The following HSPA6 variants were observed in gnomAD, a reference collection of about 807,000 sequenced individuals.
HSPA6 encodes heat shock protein family A (Hsp70) member 6, also known as heat shock 70 kDa protein 6.
For synonymous variants in HSPA6, 312 were observed against 368.2 expected (o/e 0.85, Z 1.75); for missense variants, 718 against 860.9 (o/e 0.83, Z 2.08).
Position 161,526,574 on chromosome 1 carries a change from T to C in HSPA6, c.1916T>C (p.Ile639Thr), listed in dbSNP as rs199535758. The C allele has an allele frequency of 3.6e-5, 55 of 1,538,112 alleles. No individual in the cohort carries two copies. The highest frequency in any genetic ancestry group is 4.5e-5 in the Non-Finnish European group (51 of 1,143,662). Residue 639 changes from isoleucine (I) to threonine (T), a missense_variant, in exon 1 of 1, where the codon ATT becomes ACT. Ile to Thr is a moderately conservative substitution (Grantham distance 89, BLOSUM62 -1). Coordinates refer to ENST00000309758, the MANE Select transcript of HSPA6 (RefSeq NM_002155.5). The part of the protein sequence containing the change: ...RQGDPSTGPI[I>T]EEVD Reference sequence around the variant, plus strand: ...GGGGACCCCAGCACCGGCCCCATCATTGAGGAGGTTGATTGAATGGCCCTT... The same window carrying C: ...GGGGACCCCAGCACCGGCCCCATCACTGAGGAGGTTGATTGAATGGCCCTT...
rs371251812 is a variant in HSPA6, at chr1:161,525,371, G to A, written c.713G>A (p.Arg238Gln). Residue 238 changes from arginine (R) to glutamine (Q), a missense_variant, in exon 1 of 1, where the codon CGG becomes CAG. Transcript: ENST00000309758. ...THLGGEDFDNRLVNHFMEEFR... is the reference protein window; with the variant it reads ...THLGGEDFDNQLVNHFMEEFR... ...CTGGGAGGAGAGGACTTCGACAACC[G>A]GCTCGTGAACCACTTCATGGAAGAA... The A allele has an allele frequency of 6.2e-7, 1 of 1,612,606 alleles. No individual in the cohort carries two copies. Among genetic ancestry groups the A allele is most frequent in the Non-Finnish European group, 8.5e-7 (1 of 1,179,298 alleles).
At position 161,525,819 on chromosome 1, in the gene HSPA6, T is replaced by A; in HGVS notation, c.1161T>A (p.Cys387Ter). ...VQAAVLMGDK[C>*]EKVQDLLLLD... ...CGGCCGTGTTGATGGGGGACAAATGTGAGAAAGTGCAGGATCTCCTGCTGC... is the reference window on the plus strand; with the variant it reads ...CGGCCGTGTTGATGGGGGACAAATGAGAGAAAGTGCAGGATCTCCTGCTGC... Residue 387 changes from cysteine to a stop codon, truncating the protein, a stop_gained, in exon 1 of 1, where the codon TGT becomes TGA. Transcript: ENST00000309758. LOFTEE classifies it low-confidence loss of function (END_TRUNC). 1 of 1,595,712 alleles carries A rather than the reference T, an allele frequency of 6.3e-7. No individual in the cohort carries two copies.
Position 161,525,373 on chromosome 1 carries a change from C to T in HSPA6, c.715C>T (p.Leu239Phe). 1.2e-6 allele frequency: 2 copies of T among 1,612,512 alleles called. No individual in the cohort carries two copies. The highest frequency in any genetic ancestry group is 1.7e-6 in the Non-Finnish European group (2 of 1,179,254). ...GGGAGGAGAGGACTTCGACAACCGG[C>T]TCGTGAACCACTTCATGGAAGAATT... Reference protein sequence around the residue: ...HLGGEDFDNRLVNHFMEEFRR... With the variant: ...HLGGEDFDNRFVNHFMEEFRR... Residue 239 changes from leucine (L) to phenylalanine (F), a missense_variant, in exon 1 of 1, where the codon CTC becomes TTC. Leu to Phe is a conservative substitution (Grantham distance 22). Transcript: ENST00000309758.
chr1:161,526,773 TAA>T lies in HSPA6; in HGVS notation c.*187_*188del, dbSNP rs1352251782. On this transcript the variant is annotated 3_prime_UTR_variant, in exon 1 of 1. Transcript: ENST00000309758. ...GCGGTTCATCCTCTTCTGCTTCAAA[TAA>T]AAAGTCATTAATTTATTAAAACTTG... 6.0e-6 allele frequency: 3 copies of T among 498,172 alleles called. No homozygotes were observed. Among genetic ancestry groups the T allele is most frequent in the African/African-American group, 1.9e-5 (1 of 51,290 alleles). 30.9% of individuals were successfully genotyped at this position (498,172 alleles called of 1,614,324 possible). A position where few individuals can be genotyped will look rare whatever the true frequency, so the allele number is the denominator to read the frequency against.
Position 161,526,425 on chromosome 1 carries a change from A to G in HSPA6, c.1767A>G (p.Ala589=), listed in dbSNP as rs1233135254. The G allele has an allele frequency of 2.5e-6, 4 of 1,588,522 alleles. No homozygotes were observed. The highest frequency in any genetic ancestry group is 1.7e-4 in the Middle Eastern group (1 of 6,028). ...CCTGGCTGGAGCACAACCAGCTGGC[A>G]GAGAAGGAGGAGTATGAGCATCAGA... ...VLAWLEHNQL[A]EKEEYEHQKR... The change falls in exon 1 of 1, where the codon GCA becomes GCG. Residue 589 remains alanine, a synonymous_variant. Transcript: ENST00000309758.
At position 161,526,869 on chromosome 1, in the gene HSPA6, A is replaced by C. The variant is rs1247013697; in HGVS notation, c.*279A>C. 5 of 347,590 alleles carry C rather than the reference A, an allele frequency of 1.4e-5. No individual in the cohort carries two copies. Among genetic ancestry groups the C allele is most frequent in the Non-Finnish European group, 2.7e-5 (5 of 183,526 alleles). The allele number at this position is 347,590 out of a possible 1,614,324, so 21.5% of individuals were successfully genotyped here. Reference sequence around the variant, plus strand: ...GTTACTTGCATGTATGAATTTTGTTATGTAAAATATAGTTATAGACCTAAA... The same window carrying C: ...GTTACTTGCATGTATGAATTTTGTTCTGTAAAATATAGTTATAGACCTAAA... On this transcript the variant is annotated 3_prime_UTR_variant, in exon 1 of 1. Coordinates refer to ENST00000309758, the MANE Select transcript of HSPA6 (RefSeq NM_002155.5).
In HSPA6 at chr1:161,524,712, G is replaced by T; in HGVS notation, c.54G>T (p.Ser18=). ...AVGIDLGTTY[S]CVGVFQQGRV... is the part of the protein sequence containing the mutation. ...GCATCGACCTGGGCACCACCTACTC[G>T]TGCGTGGGCGTGTTTCAGCAGGGCC... Residue 18 remains serine, a synonymous_variant, in exon 1 of 1, where the codon TCG becomes TCT. Coordinates refer to ENST00000309758, the MANE Select transcript of HSPA6 (RefSeq NM_002155.5). 2.1e-6 allele frequency: 3 copies of T among 1,423,510 alleles called. No individual in the cohort carries two copies. The highest frequency in any genetic ancestry group is 2.9e-6 in the Non-Finnish European group (3 of 1,039,304). The allele number at this position is 1,423,510 out of a possible 1,614,324, so 88.2% of individuals were successfully genotyped here.
In HSPA6 at chr1:161,525,616, G is replaced by A; in HGVS notation, c.958G>A (p.Glu320Lys). ...CTTCCGCAGCACCCTGGAGCCGGTGGAGAAGGCCCTGCGGGATGCCAAGCT... is the reference window on the plus strand; with the variant it reads ...CTTCCGCAGCACCCTGGAGCCGGTGAAGAAGGCCCTGCGGGATGCCAAGCT... ...DLFRSTLEPVEKALRDAKLDK... is the reference protein window; with the variant it reads ...DLFRSTLEPVKKALRDAKLDK... Residue 320 changes from glutamate (E) to lysine (K), a missense_variant, in exon 1 of 1, where the codon GAG (glutamate) becomes AAG (lysine). Transcript: ENST00000309758. 6.2e-7 allele frequency: 1 copy of A among 1,613,808 alleles called. No homozygotes were observed. The highest frequency in any genetic ancestry group is 8.5e-7 in the Non-Finnish European group (1 of 1,179,854).
In HSPA6 at chr1:161,525,247, G is replaced by C. The variant is rs139552185; in HGVS notation, c.589G>C (p.Val197Leu). The stretch of plus-strand genomic sequence containing the variant: ...CCGGCGGGGCGCGGGAGAGCGCAAC[G>C]TGCTCATTTTTGACCTGGGTGGGGG... The part of the protein sequence containing the change: ...LDRRGAGERN[V>L]LIFDLGGGTF... The change falls in exon 1 of 1, where the codon GTG (valine) becomes CTG (leucine). Residue 197 changes from valine (V) to leucine (L), a missense_variant. By Grantham distance (32) the Val-to-Leu change is conservative. Transcript: ENST00000309758. 6.2e-7 allele frequency: 1 copy of C among 1,614,050 alleles called. No homozygotes were observed. The highest frequency in any genetic ancestry group is 8.5e-7 in the Non-Finnish European group (1 of 1,179,946).
At position 161,525,644 on chromosome 1, in the gene HSPA6, A is replaced by T. The variant is rs781671425; in HGVS notation, c.986A>T (p.Asp329Val). 3 of 1,613,806 alleles carry T rather than the reference A, an allele frequency of 1.9e-6. No homozygotes were observed. Among genetic ancestry groups the T allele is most frequent in the Non-Finnish European group, 2.5e-6 (3 of 1,179,914 alleles). Residue 329 changes from aspartate (D) to valine (V), a missense_variant, in exon 1 of 1, where the codon GAC becomes GTC. By Grantham distance (152) the Asp-to-Val change is radical (BLOSUM62 -3). Transcript: ENST00000309758. ...VEKALRDAKLDKAQIHDVVLV... is the reference protein window; with the variant it reads ...VEKALRDAKLVKAQIHDVVLV... Reference sequence around the variant, plus strand: ...AAGGCCCTGCGGGATGCCAAGCTGGACAAGGCCCAGATTCATGACGTCGTC... The same window carrying T: ...AAGGCCCTGCGGGATGCCAAGCTGGTCAAGGCCCAGATTCATGACGTCGTC...
At position 161,524,671 on chromosome 1, in the gene HSPA6, C is replaced by A. The variant is rs1251248771; in HGVS notation, c.13C>A (p.Arg5=). 2 of 1,389,800 alleles carry A rather than the reference C, an allele frequency of 1.4e-6. No individual in the cohort carries two copies. The highest frequency in any genetic ancestry group is 4.9e-5 in the East Asian group (2 of 40,670). 86.1% of individuals were successfully genotyped at this position (1,389,800 alleles called of 1,614,324 possible). A position where few individuals can be genotyped will look rare whatever the true frequency, so the allele number is the denominator to read the frequency against. Residue 5 remains arginine (R), a synonymous_variant, in exon 1 of 1, where the codon CGG becomes AGG. Coordinates refer to ENST00000309758, the MANE Select transcript of HSPA6 (RefSeq NM_002155.5). Reference sequence around the variant, plus strand: ...AGAAGCTTCAGCCATGCAGGCCCCACGGGAGCTCGCGGTGGGCATCGACCT... The same window carrying A: ...AGAAGCTTCAGCCATGCAGGCCCCAAGGGAGCTCGCGGTGGGCATCGACCT... MQAP[R]ELAVGIDLGT...
rs2102501663 is a variant in HSPA6 at position 161,525,268 on chromosome 1, G to T, written c.610G>T (p.Gly204Trp). 6.2e-7 allele frequency: 1 copy of T among 1,614,052 alleles called. No homozygotes were observed. The highest frequency in any genetic ancestry group is 1.3e-5 in the African/African-American group (1 of 75,040). The change falls in exon 1 of 1, where the codon GGG becomes TGG. Residue 204 changes from glycine (G) to tryptophan (W), a missense_variant. Gly to Trp is a radical substitution (Grantham distance 184). Transcript: ENST00000309758. ...ERNVLIFDLG[G>W]GTFDVSVLSI... is the part of the protein sequence containing the mutation. ...CAACGTGCTCATTTTTGACCTGGGT[G>T]GGGGCACCTTCGATGTGTCGGTTCT...
At position 161,526,081 on chromosome 1, in the gene HSPA6, C is replaced by G; in HGVS notation, c.1423C>G (p.Gln475Glu). The change falls in exon 1 of 1, where the codon CAG becomes GAG. Residue 475 changes from glutamine (Q) to glutamate (E), a missense_variant. By Grantham distance (29) the Gln-to-Glu change is conservative (BLOSUM62 2). Coordinates refer to ENST00000309758, the MANE Select transcript of HSPA6 (RefSeq NM_002155.5). ...CCCTCCTGCCCCACGTGGAGTCCCC[C>G]AGATAGAGGTGACTTTTGACATTGA... ...GIPPAPRGVP[Q>E]IEVTFDIDAN... 2 of 1,613,794 alleles carry G rather than the reference C, an allele frequency of 1.2e-6. No homozygotes were observed. The highest frequency in any genetic ancestry group is 8.5e-7 in the Non-Finnish European group (1 of 1,179,874).
chr1:161,525,888 G>T lies in HSPA6; in HGVS notation c.1230G>T (p.Gly410=). The part of the protein sequence containing the change: ...PLSLGLETAG[G]VMTTLIQRNA... ...CTCTGGGGCTGGAGACAGCAGGTGG[G>T]GTGATGACCACGCTGATCCAGAGGA... Residue 410 remains glycine, a synonymous_variant, in exon 1 of 1, where the codon GGG becomes GGT. Transcript: ENST00000309758. The T allele has an allele frequency of 6.3e-7, 1 of 1,594,364 alleles. No homozygotes were observed. The highest frequency in any genetic ancestry group is 8.6e-7 in the Non-Finnish European group (1 of 1,167,666).
At position 161,526,066 on chromosome 1, in the gene HSPA6, C is replaced by A. The variant is rs771079291; in HGVS notation, c.1408C>A (p.Pro470Thr). ...RFELSGIPPA[P>T]RGVPQIEVTF... Reference sequence around the variant, plus strand: ...TGAACTCAGTGGCATCCCTCCTGCCCCACGTGGAGTCCCCCAGATAGAGGT... The same window carrying A: ...TGAACTCAGTGGCATCCCTCCTGCCACACGTGGAGTCCCCCAGATAGAGGT... The change falls in exon 1 of 1, where the codon CCA becomes ACA. Residue 470 changes from proline (P) to threonine (T), a missense_variant. Transcript: ENST00000309758. The A allele has an allele frequency of 6.2e-7, 1 of 1,613,684 alleles. No homozygotes were observed. Among genetic ancestry groups the A allele is most frequent in the East Asian group, 2.2e-5 (1 of 44,886 alleles).
At position 161,525,504 on chromosome 1, in the gene HSPA6, C is replaced by T. The variant is rs367654259; in HGVS notation, c.846C>T (p.Ala282=). ...GCACCCTGTCCTCCAGCACCCAGGC[C>T]ACCCTGGAGATAGACTCCCTGTTCG... ...AKRTLSSSTQ[A]TLEIDSLFEG... is the part of the protein sequence containing the mutation. Residue 282 remains alanine, a synonymous_variant, in exon 1 of 1, where the codon GCC becomes GCT. Transcript: ENST00000309758. The T allele has an allele frequency of 6.2e-7, 1 of 1,613,578 alleles. No individual in the cohort carries two copies. The highest frequency in any genetic ancestry group is 2.2e-5 in the East Asian group (1 of 44,878).
chr1:161,526,388 G>A lies in HSPA6; in HGVS notation c.1730G>A (p.Arg577Gln), dbSNP rs368844. ...EDRRKMQDKCREVLAWLEHNQ... is the reference protein window; with the variant it reads ...EDRRKMQDKCQEVLAWLEHNQ... ...AGGCGCAAAATGCAAGACAAGTGTCGGGAAGTCCTTGCCTGGCTGGAGCAC... is the reference window on the plus strand; with the variant it reads ...AGGCGCAAAATGCAAGACAAGTGTCAGGAAGTCCTTGCCTGGCTGGAGCAC... The change falls in exon 1 of 1, where the codon CGG becomes CAG. Residue 577 changes from arginine (R) to glutamine (Q), a missense_variant. Coordinates refer to ENST00000309758, the MANE Select transcript of HSPA6 (RefSeq NM_002155.5). The A allele has an allele frequency of 0.084, 130,866 of 1,563,640 alleles. 7,957 individuals carry two copies. The highest frequency in any genetic ancestry group is 0.22 in the East Asian group (9,603 of 43,202).
At position 161,524,918 on chromosome 1, in the gene HSPA6, C is replaced by G. The variant is rs756557077; in HGVS notation, c.260C>G (p.Ser87Trp). The change falls in exon 1 of 1, where the codon TCG becomes TGG. Residue 87 changes from serine (S) to tryptophan (W), a missense_variant. Transcript: ENST00000309758. ...GRKFADTTVQ[S>W]DMKHWPFRVV... ...AAGTTCGCGGACACCACGGTGCAGT[C>G]GGACATGAAGCACTGGCCCTTCCGG... 8.7e-6 allele frequency: 14 copies of G among 1,613,414 alleles called. No individual in the cohort carries two copies. Among genetic ancestry groups the G allele is most frequent in the Admixed American group, 5.0e-5 (3 of 59,978 alleles).
At position 161,525,915 on chromosome 1, in the gene HSPA6, C is replaced by T; in HGVS notation, c.1257C>T (p.Asn419=). ...GGVMTTLIQR[N]ATIPTKQTQT... Reference sequence around the variant, plus strand: ...TGATGACCACGCTGATCCAGAGGAACGCCACTATCCCCACCAAGCAGACCC... The same window carrying T: ...TGATGACCACGCTGATCCAGAGGAATGCCACTATCCCCACCAAGCAGACCC... Residue 419 remains asparagine (N), a synonymous_variant, in exon 1 of 1, where the codon AAC becomes AAT. Coordinates refer to ENST00000309758, the MANE Select transcript of HSPA6 (RefSeq NM_002155.5). The T allele has an allele frequency of 4.4e-6, 7 of 1,603,518 alleles. 1 individual carries two copies. Among genetic ancestry groups the T allele is most frequent in the Non-Finnish European group, 5.1e-6 (6 of 1,174,022 alleles).
Sources: gnomAD v4.1 joint callset for allele counts on GRCh38, gnomAD v4.1.1 for gene constraint, MANE v1.5 for transcripts, NCBI Gene and HGNC (gene_info 2026-07-23, HGNC 2026-07-21) for gene names.